Variants in PHLDB2 observed in about 807,000 individuals in gnomAD.
PHLDB2 encodes pleckstrin homology-like domain family B member 2.
A neutral mutation model predicts 123.6 loss-of-function variants in PHLDB2; 71 were observed. The ratio of observed to expected loss-of-function variants is 0.57; its 90% CI spans 0.47 to 0.70. PHLDB2 has a LOEUF of 0.70. PHLDB2 is among the 30% of genes least tolerant of loss of function. PHLDB2 has a pLI of 0.00. For synonymous variants in PHLDB2, 547 were observed against 541.6 expected (o/e 1.01, Z -0.14); for missense variants, 1,446 against 1,519.5 (o/e 0.95, Z 0.80).
intron 1 of PHLDB2, among the ~76,000 whole-genome samples, chr3:111,801,132 C>G (rs1379961548): frequency 6.6e-6 from 1 of 152,140 alleles, no homozygotes; most frequent in Non-Finnish European, 1.5e-5. Context: ...AATATTTGCT[C>G]CCTTCAGAAC....
intron 1 of PHLDB2, among the ~76,000 whole-genome samples, chr3:111,806,834 G>A (rs2061610868): frequency 6.7e-6 from 1 of 150,186 alleles, no homozygotes; most frequent in Admixed American, 6.6e-5. Flanking sequence ...GTTTCACTGT[G>A]TTGTCCAGGC....
chr3:111,824,409 C>T (rs771853774), intron 1 of PHLDB2, among the ~76,000 whole-genome samples: 1 of 152,150 alleles, frequency 6.6e-6, no homozygotes, highest in Non-Finnish European at 1.5e-5. Flanking sequence ...CAGGTATCTA[C>T]TTCTTTCTGA....
intron 9 of PHLDB2, among the ~76,000 whole-genome samples, chr3:111,945,767 G>A (rs2070260032): frequency 6.6e-6 from 1 of 151,828 alleles, no homozygotes; most frequent in Non-Finnish European, 1.5e-5. Context: ...ACATGAAAAT[G>A]CCTGCAAACA....
chr3:111,962,518 A>G (rs1394736051), intron 13 of PHLDB2, among the ~76,000 whole-genome samples: 1 of 152,240 alleles, frequency 6.6e-6, no homozygotes, highest in Admixed American at 6.5e-5. Context: ...CAGGCATCAT[A>G]TAATCTGTTT....
intron 6 of PHLDB2, 96 bp from the exon 7 acceptor site, chr3:111,939,379 A>G (rs2069722920): frequency 1.6e-6 from 2 of 1,267,728 alleles, no homozygotes; most frequent in African/African-American, 3.0e-5. Flanking sequence ...AACTGGAAAG[A>G]TATCTTGGAC....
chr3:111,820,853 A>G (rs528855222), intron 1 of PHLDB2, among the ~76,000 whole-genome samples: 21 of 152,366 alleles, frequency 1.4e-4, no homozygotes, highest in African/African-American at 4.6e-4. Context: ...ACAGTACTAT[A>G]GTTTATCAAC....
intron 1 of PHLDB2, among the ~76,000 whole-genome samples, chr3:111,826,024 G>A (rs1375589320): frequency 2.6e-5 from 4 of 151,486 alleles, no homozygotes; most frequent in Non-Finnish European, 4.4e-5. Flanking sequence ...TTATTAGGCC[G>A]AGCATGGTGG....
intron 1 of PHLDB2, 67 bp from the exon 2 acceptor site, chr3:111,883,997 G>A: frequency 7.1e-7 from 1 of 1,408,926 alleles, no homozygotes; most frequent in Non-Finnish European, 9.7e-7. Flanking sequence ...TCAGATGTAG[G>A]CCTAACAAGG....
chr3:111,745,102 C>G (rs1201187052), intron 1 of PHLDB2, among the ~76,000 whole-genome samples: 1 of 152,078 alleles, frequency 6.6e-6, no homozygotes, highest in Non-Finnish European at 1.5e-5. Flanking sequence ...ACAAATGGGA[C>G]AGAGGAACAA....
chr3:111,916,010 A>C (rs1051570347), intron 3 of PHLDB2: 1 of 152,126 alleles, frequency 6.6e-6, no homozygotes, highest in African/African-American at 2.4e-5. Flanking sequence ...CTTTATGGAG[A>C]TCTGCCAGTT....
upstream of PHLDB2, among the ~76,000 whole-genome samples, chr3:111,858,552 T>G (rs888044272): frequency 6.6e-6 from 1 of 152,194 alleles, no homozygotes; most frequent in African/African-American, 2.4e-5. Flanking sequence ...ATGAAAAGTG[T>G]AATCATTAAA....
At chr3:111,832,232 T>A (rs146140613) in intron 1 of PHLDB2, among the ~76,000 whole-genome samples, 302 of 152,284 alleles carry the variant, frequency 2.0e-3, no homozygotes, top group African/African-American at 6.9e-3. Flanking sequence ...AATCTACATC[T>A]CTTTTTCTTT....
chr3:111,920,870 A>G (rs993490715), intron 5 of PHLDB2, among the ~76,000 whole-genome samples: 4 of 152,212 alleles, frequency 2.6e-5, no homozygotes, highest in Non-Finnish European at 5.9e-5. Context: ...TAAACAGATG[A>G]ATGAGAACCA....
At chr3:111,939,264 A>G (rs1309440140) in intron 6 of PHLDB2, among the ~76,000 whole-genome samples, 1 of 152,196 alleles carries the variant, frequency 6.6e-6, no homozygotes, top group African/African-American at 2.4e-5. Flanking sequence ...AGAAGTCTAA[A>G]ACTGAGGGTG....
At chr3:111,766,243 C>T (rs2060077911) in intron 1 of PHLDB2, among the ~76,000 whole-genome samples, 1 of 151,990 alleles carries the variant, frequency 6.6e-6, no homozygotes, top group Non-Finnish European at 1.5e-5. Context: ...GAGTTCAAGA[C>T]TAGCCTGGGC....
At chr3:111,845,934 C>T (rs753993588) in exon 2 of PHLDB2, 10 of 1,613,414 alleles carry the variant, frequency 6.2e-6, no homozygotes, top group African/African-American at 4.0e-5. Flanking sequence ...TGCAACATTT[C>T]GGTGAGAACT....
intron 1 of PHLDB2, among the ~76,000 whole-genome samples, chr3:111,834,226 A>AT (rs2063267487): frequency 1.3e-4 from 12 of 92,986 alleles, no homozygotes; most frequent in Admixed American, 4.0e-4. Context: ...AATTATATAT[A>AT]TATTATGTAT....
rs2068428975 is a variant in PHLDB2 at position 111,920,419 on chromosome 3, G to C, written c.2001G>C (p.Lys667Asn). 6.2e-7 allele frequency: 1 copy of C among 1,611,204 alleles called. No individual in the cohort carries two copies. The highest frequency in any genetic ancestry group is 8.5e-7 in the Non-Finnish European group (1 of 1,179,128). ...AGAACATTGTTGGTGAAAAGACCAA[G>C]GTAAAAGAAAATTATATTTCAATGC... ...LEKNIVGEKTKEKVKLDAERE... is the reference protein window; with the variant it reads ...LEKNIVGEKTNEKVKLDAERE... The change falls in exon 5 of 18, where the codon AAG becomes AAC. Residue 667 changes from lysine (K) to asparagine (N), a missense_variant and splice_region_variant. Lys to Asn is a moderately conservative substitution (Grantham distance 94). Transcript: ENST00000431670.
At chr3:111,820,912 A>C (rs2062344695) in intron 1 of PHLDB2, among the ~76,000 whole-genome samples, 1 of 152,250 alleles carries the variant, frequency 6.6e-6, no homozygotes, top group Admixed American at 6.5e-5. Flanking sequence ...AAATAGCAGC[A>C]TATCACTAGA....
Sources: allele counts gnomAD v4.1 joint callset (sites outside exome capture counted in the v4.1 genomes callset), GRCh38; gene constraint gnomAD v4.1.1; transcripts MANE v1.5; gene names NCBI Gene and HGNC (gene_info 2026-07-23, HGNC 2026-07-21).